Variants in NSUN6 observed in about 807,000 individuals in gnomAD.
The protein encoded by NSUN6 is tRNA (cytosine(72)-C(5))-methyltransferase NSUN6.
In NSUN6, 64 loss-of-function variants were observed where a neutral mutation model predicts 58.0. The observed-to-expected ratio is 1.10, with a 90% CI of 0.90 to 1.36. The LOEUF (loss-of-function observed/expected upper bound fraction) is 1.36, where lower values mean the gene tolerates loss of function less well. Ranked by LOEUF, NSUN6 falls within the 40% of genes most tolerant of loss-of-function variation. The pLI is 0.00. For synonymous variants in NSUN6, 231 were observed against 193.9 expected (o/e 1.19, Z -1.59); for missense variants, 701 against 550.1 (o/e 1.27, Z -2.74).
At chr10:18,558,796 G>C (rs1192646821) in intron 8 of NSUN6, among the ~76,000 whole-genome samples, 1 of 148,580 alleles carries the variant, frequency 6.7e-6, no homozygotes, top group African/African-American at 2.4e-5. Flanking sequence ...AGAATGGAAT[G>C]GACAATGGAA....
intron 6 of NSUN6, among the ~76,000 whole-genome samples, chr10:18,607,587 A>T (rs1238148743): frequency 6.6e-6 from 1 of 152,218 alleles, no homozygotes; most frequent in East Asian, 1.9e-4. Context: ...TGAGAAATTT[A>T]ATGTAATATA....
At chr10:18,570,970 CCCATTCCATTTT>C (rs1216985959) in intron 8 of NSUN6, among the ~76,000 whole-genome samples, 21 of 150,156 alleles carry the variant, frequency 1.4e-4, no homozygotes, top group African/African-American at 5.1e-4. Flanking sequence ...CCATTCCATT[CCCATTCCATTTT>C]CCATTCCATT....
At chr10:18,603,691 G>A (rs980196059) in intron 6 of NSUN6, among the ~76,000 whole-genome samples, 2 of 151,914 alleles carry the variant, frequency 1.3e-5, no homozygotes, top group African/African-American at 4.8e-5. Context: ...TGGCTGCGCT[G>A]GTCTCAAACT....
upstream of NSUN6, among the ~76,000 whole-genome samples, chr10:18,657,654 G>T (rs935677060): frequency 2.0e-5 from 3 of 151,220 alleles, no homozygotes; most frequent in East Asian, 1.9e-4. Context: ...TCACTCTGTC[G>T]CCAGGCTGAA....
Position 18,651,117 on chromosome 10 carries a change from T to C in NSUN6, c.75+12A>G, listed in dbSNP as rs377015085. ...TTTGCAAAATATCAACTAACATCTTTACTTGACCTACCTCCTTATTCATAA... is the reference window on the plus strand; with the variant it reads ...TTTGCAAAATATCAACTAACATCTTCACTTGACCTACCTCCTTATTCATAA... On this transcript the variant is annotated intron_variant, in intron 1 of 10. Coordinates refer to ENST00000377304, the MANE Select transcript of NSUN6 (RefSeq NM_182543.5). 5.1e-6 allele frequency: 8 copies of C among 1,573,242 alleles called. No homozygotes were observed. The East Asian group carries it at 9.3e-5, about 18-fold the overall frequency.
chr10:18,567,954 A>T (rs961567631), intron 8 of NSUN6, among the ~76,000 whole-genome samples: 2 of 147,918 alleles, frequency 1.4e-5, no homozygotes, highest in African/African-American at 5.0e-5. Flanking sequence ...TCCATATTCT[A>T]TTCCTTTCTC....
chr10:18,551,660 G>A (rs1480565804), intron 9 of NSUN6, 163 bp downstream of exon 9: 1 of 524,940 alleles, frequency 1.9e-6, no homozygotes, highest in Non-Finnish European at 3.4e-6. Flanking sequence ...TTCCATGTAT[G>A]GATATAGCAC....
At chr10:18,600,774 A>C (rs1299449230) in intron 6 of NSUN6, among the ~76,000 whole-genome samples, 6 of 151,164 alleles carry the variant, frequency 4.0e-5, no homozygotes, top group Non-Finnish European at 7.4e-5. Flanking sequence ...CTAAAAATAC[A>C]AAAATTAATT....
chr10:18,604,068 C>T (rs1377735019), intron 6 of NSUN6, among the ~76,000 whole-genome samples: 1 of 151,986 alleles, frequency 6.6e-6, no homozygotes, highest in Non-Finnish European at 1.5e-5. Context: ...TGCAGTCCCA[C>T]CTACTCGGGA....
At chr10:18,628,324 T>G in intron 3 of NSUN6, among the ~76,000 whole-genome samples, 1 of 151,986 alleles carries the variant, frequency 6.6e-6, no homozygotes, top group East Asian at 1.9e-4. Context: ...GCAGAAAAAC[T>G]GGAAACTCTA....
chr10:18,651,790 C>G (rs543281980), upstream of NSUN6: 441 of 985,310 alleles, frequency 4.5e-4, 1 homozygote, highest in Non-Finnish European at 5.2e-4. Flanking sequence ...GTTAAGTAGG[C>G]AGACCCCGCG....
chr10:18,562,483 T>G (rs1181934850), intron 8 of NSUN6, among the ~76,000 whole-genome samples: 1 of 148,972 alleles, frequency 6.7e-6, no homozygotes, highest in Non-Finnish European at 1.5e-5. Context: ...TGGAATGGAT[T>G]GTAGAATGGA....
intron 3 of NSUN6, among the ~76,000 whole-genome samples, chr10:18,623,190 A>G: frequency 6.6e-6 from 1 of 152,230 alleles, no homozygotes; most frequent in Non-Finnish European, 1.5e-5. Flanking sequence ...AGTAAAGTGA[A>G]GAAACCAGTA....
intron 6 of NSUN6, among the ~76,000 whole-genome samples, chr10:18,609,309 T>C (rs2058150140): frequency 6.6e-6 from 1 of 151,964 alleles, no homozygotes; most frequent in African/African-American, 2.4e-5. Flanking sequence ...AGAGCCTGTC[T>C]CAAAATAATA....
chr10:18,625,967 A>T (rs1036270155), intron 3 of NSUN6, among the ~76,000 whole-genome samples: 4 of 152,028 alleles, frequency 2.6e-5, no homozygotes, highest in African/African-American at 9.7e-5. Flanking sequence ...ATGTGGCCTG[A>T]AACGACCAGA....
intron 3 of NSUN6, among the ~76,000 whole-genome samples, chr10:18,633,690 C>G (rs2059116529): frequency 6.6e-6 from 1 of 152,044 alleles, no homozygotes; most frequent in Admixed American, 6.6e-5. Context: ...TCAGAGGAGT[C>G]AAGTCTGAAA....
At chr10:18,571,940 C>T (rs932676023) in intron 8 of NSUN6, among the ~76,000 whole-genome samples, 1 of 150,798 alleles carries the variant, frequency 6.6e-6, no homozygotes, top group Admixed American at 6.6e-5. Context: ...TTCCATTCTC[C>T]ATTCCATTCC....
rs544827959 is a variant in NSUN6, at chr10:18,602,248, T to TG, written c.658-5922_658-5921insC. On this transcript the variant is annotated intron_variant, in intron 6 of 10. Transcript: ENST00000377304. ...CAGCTAATTTTTGTGGGGTTTTTTT[T>TG]TTTGTTTTTTTTTGAGACGGAGTCT... Among the ~76,000 whole-genome samples the TG allele has an allele frequency of 2.5e-3, 370 of 150,214 alleles. 3 individuals carry two copies. Among genetic ancestry groups the TG allele is most frequent in the African/African-American group, 8.6e-3 (355 of 41,046 alleles).
intron 8 of NSUN6, among the ~76,000 whole-genome samples, chr10:18,560,595 A>G (rs561510287): frequency 6.6e-6 from 1 of 151,250 alleles, no homozygotes; most frequent in South Asian, 2.1e-4. Context: ...GGAGAATGGA[A>G]TAGAATGGAA....
Sources: gnomAD v4.1 joint callset for allele counts (sites outside exome capture counted in the v4.1 genomes callset) on GRCh38, gnomAD v4.1.1 for gene constraint, MANE v1.5 for transcripts, NCBI Gene and HGNC (gene_info 2026-07-23, HGNC 2026-07-21) for gene names.